The following TACC2 variants were observed in gnomAD, a reference collection of about 807,000 sequenced individuals.
TACC2 encodes transforming acidic coiled-coil containing protein 2.
A neutral mutation model predicts 227.3 loss-of-function variants in TACC2; 137 were observed. The ratio of observed to expected loss-of-function variants is 0.60; its 90% CI spans 0.52 to 0.69. TACC2 has a LOEUF of 0.69. Among genes scored for constraint, TACC2 ranks in the 30% least tolerant of loss-of-function variants. The probability of loss-of-function intolerance (pLI) is 0.00; values close to 1 mark genes in which losing one functional copy is unlikely to be tolerated. For synonymous variants in TACC2, 1,523 were observed against 1,487.5 expected, an observed-to-expected ratio of 1.02 and a Z score of -0.55; for missense variants, 3,470 against 3,694.4, an observed-to-expected ratio of 0.94 and a Z score of 1.57.
At chr10:122,242,124 C>T (rs2096009683) in intron 19 of TACC2, 123 bp downstream of exon 19, 3 of 860,174 alleles carry the variant, frequency 3.5e-6, no homozygotes, top group Non-Finnish European at 5.9e-6. Flanking sequence ...CAGGGAAGGA[C>T]CAGAGCATTC....
At position 122,238,075 on chromosome 10, in the gene TACC2, A is replaced by G. The variant is rs760670030; in HGVS notation, c.8348+38A>G. 8 of 1,542,922 alleles carry G rather than the reference A, an allele frequency of 5.2e-6. No homozygotes were observed. In the East Asian group the frequency reaches 1.8e-4, roughly 35 times the overall value. On this transcript the variant is annotated intron_variant, in intron 18 of 22. Coordinates refer to ENST00000369005, the MANE Select transcript of TACC2 (RefSeq NM_206862.4). Reference sequence around the variant, plus strand: ...GCTGGGCCTTCCTCGTGCCTGAGGGATACTTACCTGTGGTTTAATAATGAC... The same window carrying G: ...GCTGGGCCTTCCTCGTGCCTGAGGGGTACTTACCTGTGGTTTAATAATGAC...
intron 3 of TACC2, among the ~76,000 whole-genome samples, chr10:122,066,457 AC>A (rs1429827691): frequency 6.6e-6 from 1 of 151,898 alleles, no homozygotes; most frequent in Non-Finnish European, 1.5e-5. Context: ...TTAGTAGAAA[AC>A]GGGTTTTACC....
chr10:122,171,416 G>C (rs559379224), intron 7 of TACC2, among the ~76,000 whole-genome samples: 2 of 152,338 alleles, frequency 1.3e-5, no homozygotes, highest in African/African-American at 4.8e-5. Context: ...GGCAGTCACA[G>C]TGGCTCTGTG....
chr10:121,995,963 AGGCTG>A (rs2134922564), intron 1 of TACC2, among the ~76,000 whole-genome samples: 1 of 152,296 alleles, frequency 6.6e-6, no homozygotes, highest in Admixed American at 6.5e-5. Context: ...CCTGCTGGCC[AGGCTG>A]GTCTCAAACT....
rs913224995 is a variant in TACC2, at chr10:122,132,807, C to T, written c.5699+73C>T. The T allele has an allele frequency of 2.0e-5, 30 of 1,478,358 alleles. No homozygotes were observed. In the African/African-American group the frequency reaches 3.5e-4, roughly 17 times the overall value. 91.6% of individuals were successfully genotyped at this position (1,478,358 alleles called of 1,614,324 possible). A position where few individuals can be genotyped will look rare whatever the true frequency, so the allele number is the denominator to read the frequency against. On this transcript the variant is annotated intron_variant, in intron 6 of 22. Coordinates refer to ENST00000369005, the MANE Select transcript of TACC2 (RefSeq NM_206862.4). Reference sequence around the variant, plus strand: ...CTTGAGGCTGCCTTCCCCCGCTCCCCTCCCTTCCCCTCCCCTCCTCTCTTT... The same window carrying T: ...CTTGAGGCTGCCTTCCCCCGCTCCCTTCCCTTCCCCTCCCCTCCTCTCTTT...
chr10:122,114,502 C>G (rs915644009), intron 5 of TACC2, among the ~76,000 whole-genome samples: 3 of 152,182 alleles, frequency 2.0e-5, no homozygotes, highest in African/African-American at 7.2e-5. Flanking sequence ...TCAGGCCAGG[C>G]GGGAGGGCCT....
intron 5 of TACC2, among the ~76,000 whole-genome samples, chr10:122,123,893 A>G (rs2086324438): frequency 6.8e-6 from 1 of 146,224 alleles, no homozygotes. Flanking sequence ...GGCTCACTGC[A>G]ACCTCCGCCT....
intron 1 of TACC2, among the ~76,000 whole-genome samples, chr10:122,014,327 A>G (rs12773746): frequency 0.38 from 58,036 of 151,342 alleles, 11,248 homozygotes; most frequent in South Asian, 0.57. Context: ...CTCCTGCCTC[A>G]GCCTCCAGAG....
chr10:122,121,613 A>C (rs960674109), intron 5 of TACC2, among the ~76,000 whole-genome samples: 1 of 152,248 alleles, frequency 6.6e-6, no homozygotes, highest in African/African-American at 2.4e-5. Context: ...TTGGCTTCAA[A>C]ATGTGACAAG....
At chr10:122,248,475 A>C in intron 19 of TACC2, 168 bp from the exon 20 acceptor site, 1 of 751,294 alleles carries the variant, frequency 1.3e-6, no homozygotes. Context: ...TTGTTCTGTT[A>C]GAGACAGTCT....
In TACC2 at chr10:122,070,329, C is replaced by G. The variant is rs558775740; in HGVS notation, c.147-12318C>G. Among the ~76,000 whole-genome samples, 20 of 152,264 alleles carry G rather than the reference C, an allele frequency of 1.3e-4. No homozygotes were observed. In the South Asian group the frequency reaches 3.9e-3, roughly 30 times the overall value. ...GAGTCTTATCAAGAAGGGATATAGA[C>G]TGGGCATGGTGGCTCATGCCTATAA... On this transcript the variant is annotated intron_variant, in intron 3 of 22. Transcript: ENST00000369005.
At chr10:122,097,845 G>C (rs543063237) in intron 5 of TACC2, among the ~76,000 whole-genome samples, 1 of 152,206 alleles carries the variant, frequency 6.6e-6, no homozygotes, top group East Asian at 1.9e-4. Context: ...CAAGGTCCCT[G>C]AGCTGCAGGG....
At chr10:122,035,085 TG>T (rs1565124945) in intron 2 of TACC2, among the ~76,000 whole-genome samples, 1 of 152,310 alleles carries the variant, frequency 6.6e-6, no homozygotes, top group South Asian at 2.1e-4. Context: ...GAAGCCATCT[TG>T]GGGGATCCTA....
In TACC2 at chr10:122,184,301, A is replaced by T. The variant is rs370007438; in HGVS notation, c.5835-10739A>T. The stretch of plus-strand genomic sequence containing the variant: ...GTCCCCGAGGCACCCCTGATAATAC[A>T]GCCTGGGGGTGGGGGGGTGCCCTGG... On this transcript the variant is annotated intron_variant, in intron 7 of 22. Coordinates refer to ENST00000369005, the MANE Select transcript of TACC2 (RefSeq NM_206862.4). 7.2e-5 allele frequency among the ~76,000 whole-genome samples: 11 copies of T among 151,986 alleles called. No homozygotes were observed. The East Asian group carries it at 1.2e-3, about 16-fold the overall frequency.
At chr10:122,063,497 G>C (rs2077059356) in intron 3 of TACC2, among the ~76,000 whole-genome samples, 1 of 152,218 alleles carries the variant, frequency 6.6e-6, no homozygotes, top group Admixed American at 6.5e-5. Flanking sequence ...TTAGGTGTGT[G>C]TCTGTTTTCT....
chr10:122,142,884 G>A (rs905541521), intron 6 of TACC2, among the ~76,000 whole-genome samples: 3 of 152,218 alleles, frequency 2.0e-5, no homozygotes, highest in African/African-American at 7.2e-5. Flanking sequence ...TTGCCAGTGG[G>A]GAAAATCAGA....
chr10:122,212,524 A>G (rs1052429268), intron 9 of TACC2, among the ~76,000 whole-genome samples: 1 of 152,186 alleles, frequency 6.6e-6, no homozygotes, highest in African/African-American at 2.4e-5. Context: ...CCCTGTGGTT[A>G]ATATCTTGGC....
At chr10:122,104,876 G>T (rs565447447) in intron 5 of TACC2, among the ~76,000 whole-genome samples, 1 of 152,106 alleles carries the variant, frequency 6.6e-6, no homozygotes, top group Admixed American at 6.5e-5. Context: ...CTCTTCCAAC[G>T]CTGGTTAAAA....
At chr10:122,088,334 A>C (rs2080314976) in intron 4 of TACC2, 144 bp from the exon 5 acceptor site, 1 of 720,020 alleles carries the variant, frequency 1.4e-6, no homozygotes, top group Admixed American at 3.2e-5. Flanking sequence ...TTATTTAGTC[A>C]GGGGGCCCTT....
Sources: allele counts gnomAD v4.1 joint callset (sites outside exome capture counted in the v4.1 genomes callset), GRCh38; gene constraint gnomAD v4.1.1; transcripts MANE v1.5; gene names NCBI Gene and HGNC (gene_info 2026-07-23, HGNC 2026-07-21).